Variants in ANTXR1 observed in about 807,000 individuals in gnomAD.
ANTXR1 encodes the protein ANTXR cell adhesion molecule 1.
A neutral mutation model predicts 78.1 loss-of-function variants in ANTXR1; 19 were observed. The ratio of observed to expected loss-of-function variants is 0.24; its 90% CI spans 0.17 to 0.36. The LOEUF is 0.36. ANTXR1 is among the 10% of genes least tolerant of loss of function. The pLI is 1.00. For synonymous variants in ANTXR1, 273 were observed against 260.5 expected (o/e 1.05, Z -0.46); for missense variants, 518 against 718.6 (o/e 0.72, Z 3.19).
At chr2:69,103,034 A>T (rs1000306730) in intron 10 of ANTXR1, 94 bp downstream of exon 10, 4 of 1,251,716 alleles carry the variant, frequency 3.2e-6, no homozygotes, top group Non-Finnish European at 4.7e-6. Context: ...CACACATGAA[A>T]CCAGCAGAAA....
Position 69,102,830 on chromosome 2 carries a change from T to G in ANTXR1, c.704-12T>G. The G allele has an allele frequency of 6.2e-7, 1 of 1,613,480 alleles. No homozygotes were observed. The highest frequency in any genetic ancestry group is 8.5e-7 in the Non-Finnish European group (1 of 1,179,592). On this transcript the variant is annotated splice_polypyrimidine_tract_variant and intron_variant, in intron 9 of 17. Coordinates refer to ENST00000303714, the MANE Select transcript of ANTXR1 (RefSeq NM_032208.3). ...GCCAAGTAACGAGTCTCGTCATTAT[T>G]CTTTATTTCAGAGTCATTTCAAGTT...
At chr2:69,243,145 A>C (rs1288376344) in intron 17 of ANTXR1, among the ~76,000 whole-genome samples, 1 of 152,222 alleles carries the variant, frequency 6.6e-6, no homozygotes, top group Admixed American at 6.5e-5. Flanking sequence ...TTCCTCACCA[A>C]GATGCCCTCT....
intron 12 of ANTXR1, 69 bp from the exon 13 acceptor site, chr2:69,152,100 G>T: frequency 6.9e-7 from 1 of 1,444,192 alleles, no homozygotes; most frequent in African/African-American, 1.4e-5. Context: ...ATCAGTGATG[G>T]GAGTTTGGGG....
chr2:69,114,858 G>T (rs1445780349), intron 10 of ANTXR1, among the ~76,000 whole-genome samples: 2 of 152,152 alleles, frequency 1.3e-5, no homozygotes, highest in Admixed American at 1.3e-4. Context: ...CTCTCTAGCT[G>T]TTACCTCCTC....
intron 5 of ANTXR1, among the ~76,000 whole-genome samples, chr2:69,072,281 T>C (rs965939752): frequency 5.3e-5 from 8 of 152,188 alleles, no homozygotes; most frequent in African/African-American, 1.9e-4. Flanking sequence ...ATAGAAATTT[T>C]TATTATTTTA....
intron 10 of ANTXR1, 142 bp downstream of exon 10, chr2:69,103,082 TAGTGA>T: frequency 1.1e-6 from 1 of 879,428 alleles, no homozygotes; most frequent in Non-Finnish European, 1.9e-6. Flanking sequence ...AGCAAGGGCA[TAGTGA>T]GCCCTTACAG....
chr2:69,070,882 C>A lies in ANTXR1; in HGVS notation c.378+154C>A, dbSNP rs4355153. ...TCTTCCCATAAGCTTGTACACTGACCACTCTAGCCAAAAGAACTAAAGAAA... is the reference window on the plus strand; with the variant it reads ...TCTTCCCATAAGCTTGTACACTGACAACTCTAGCCAAAAGAACTAAAGAAA... On this transcript the variant is annotated intron_variant, in intron 4 of 17. Transcript: ENST00000303714. Among the ~76,000 whole-genome samples, 140,558 of 152,154 alleles carry A rather than the reference C, an allele frequency of 0.92. 65,056 individuals are homozygous for A. Among genetic ancestry groups the A allele is most frequent in the African/African-American group, 0.98 (40,719 of 41,530 alleles).
At chr2:69,128,691 C>T (rs1672628820) in intron 12 of ANTXR1, among the ~76,000 whole-genome samples, 1 of 152,182 alleles carries the variant, frequency 6.6e-6, no homozygotes. Context: ...AATAGAGATG[C>T]AGGTGGAACG....
At chr2:69,053,900 T>C (rs1669999100) in intron 3 of ANTXR1, among the ~76,000 whole-genome samples, 1 of 152,186 alleles carries the variant, frequency 6.6e-6, no homozygotes, top group African/African-American at 2.4e-5. Flanking sequence ...TCTATTACAT[T>C]ACAAAGCTAC....
chr2:69,188,475 A>G (rs1674475999), intron 16 of ANTXR1, among the ~76,000 whole-genome samples: 1 of 152,226 alleles, frequency 6.6e-6, no homozygotes, highest in Non-Finnish European at 1.5e-5. Flanking sequence ...AACCAAAGCT[A>G]GAGTTTACAT....
intron 3 of ANTXR1, among the ~76,000 whole-genome samples, chr2:69,052,206 C>T (rs1048614244): frequency 9.2e-5 from 14 of 152,000 alleles, no homozygotes; most frequent in African/African-American, 1.4e-4. Context: ...TATGAATACA[C>T]GCACACATTC....
intron 3 of ANTXR1, among the ~76,000 whole-genome samples, chr2:69,065,151 A>T (rs1670358849): frequency 6.6e-6 from 1 of 152,126 alleles, no homozygotes; most frequent in South Asian, 2.1e-4. Flanking sequence ...CTGGGCTGGG[A>T]GCAGTGGCTC....
chr2:69,244,532 G>A (rs967033634), intron 17 of ANTXR1, among the ~76,000 whole-genome samples: 1 of 152,194 alleles, frequency 6.6e-6, no homozygotes, highest in African/African-American at 2.4e-5. Flanking sequence ...AGTAGAGATA[G>A]CTGCCTCCTT....
intron 8 of ANTXR1, among the ~76,000 whole-genome samples, chr2:69,078,876 T>C (rs1670817258): frequency 6.6e-6 from 1 of 152,180 alleles, no homozygotes; most frequent in African/African-American, 2.4e-5. Flanking sequence ...TTGAGAATTA[T>C]GTTTGTAATA....
chr2:69,121,942 G>A (rs956158623), intron 10 of ANTXR1, among the ~76,000 whole-genome samples: 1 of 152,180 alleles, frequency 6.6e-6, no homozygotes, highest in Non-Finnish European at 1.5e-5. Context: ...TCATCCATTA[G>A]AAGAAGCACA....
chr2:69,170,213 AT>A, intron 13 of ANTXR1, 34 bp from the exon 14 acceptor site: 1 of 1,613,850 alleles, frequency 6.2e-7, no homozygotes, highest in Non-Finnish European at 8.5e-7. Context: ...GTAGCCAGAG[AT>A]TTTTCACTGA....
chr2:69,156,861 G>T (rs1433350781), intron 13 of ANTXR1, among the ~76,000 whole-genome samples: 1 of 152,168 alleles, frequency 6.6e-6, no homozygotes, highest in Non-Finnish European at 1.5e-5. Context: ...CTCCCACTAG[G>T]CCCCTCCTCC....
intron 16 of ANTXR1, among the ~76,000 whole-genome samples, chr2:69,187,236 T>TC (rs1674440024): frequency 6.6e-6 from 1 of 151,678 alleles, no homozygotes; most frequent in South Asian, 2.1e-4. Context: ...CAACCACACT[T>TC]CCCCCCTTCC....
At chr2:69,049,461 C>A (rs1051500365) in intron 3 of ANTXR1, among the ~76,000 whole-genome samples, 1 of 152,110 alleles carries the variant, frequency 6.6e-6, no homozygotes, top group Non-Finnish European at 1.5e-5. Context: ...CAGGTGCACA[C>A]CGCCATGCCA....
Sources: allele counts gnomAD v4.1 joint callset (sites outside exome capture counted in the v4.1 genomes callset), GRCh38; gene constraint gnomAD v4.1.1; transcripts MANE v1.5; gene names NCBI Gene and HGNC (gene_info 2026-07-23, HGNC 2026-07-21).